Variants in MNS1 observed in about 807,000 individuals in gnomAD.
MNS1 encodes the protein meiosis specific nuclear structural 1.
A neutral mutation model predicts 72.0 loss-of-function variants in MNS1; 63 were observed. That is an observed-to-expected ratio of 0.87 (90% confidence interval 0.71 to 1.08). The LOEUF (loss-of-function observed/expected upper bound fraction) is 1.08. MNS1 is among the 50% of genes least tolerant of loss of function. The pLI is 0.00. For synonymous variants in MNS1, 188 were observed against 172.1 expected, an observed-to-expected ratio of 1.09 and a Z score of -0.72; for missense variants, 604 against 562.4, an observed-to-expected ratio of 1.07 and a Z score of -0.75.
At chr15:56,448,897 G>A (rs1350496824) in intron 3 of MNS1, among the ~76,000 whole-genome samples, 2 of 151,892 alleles carry the variant, frequency 1.3e-5, no homozygotes, top group Admixed American at 6.6e-5. Flanking sequence ...GGGACTACAG[G>A]TGTGTGCCAC....
At chr15:56,455,138 AG>A (rs2050972439) in intron 3 of MNS1, among the ~76,000 whole-genome samples, 1 of 151,444 alleles carries the variant, frequency 6.6e-6, no homozygotes, top group South Asian at 2.1e-4. Context: ...TTTTCTCAGG[AG>A]GAACATTTAT....
At chr15:56,457,672 G>C (rs190864954) in intron 2 of MNS1, among the ~76,000 whole-genome samples, 74 of 152,162 alleles carry the variant, frequency 4.9e-4, no homozygotes, top group Admixed American at 3.8e-3. Flanking sequence ...AAATTAGCCA[G>C]GTGTGGTGGC....
intron 7 of MNS1, among the ~76,000 whole-genome samples, chr15:56,438,560 A>T (rs1012928658): frequency 7.2e-5 from 11 of 152,116 alleles, no homozygotes; most frequent in African/African-American, 2.2e-4. Flanking sequence ...AACCTAGGCA[A>T]TACCATTCAG....
intron 9 of MNS1, chr15:56,429,788 A>T (rs2050519986): frequency 1.3e-5 from 2 of 152,230 alleles, no homozygotes; most frequent in African/African-American, 4.8e-5. Flanking sequence ...AATTTTAGGG[A>T]TAACTGAAGT....
At chr15:56,445,177 C>T (rs1474401586) in intron 4 of MNS1, among the ~76,000 whole-genome samples, 1 of 151,942 alleles carries the variant, frequency 6.6e-6, no homozygotes, top group Non-Finnish European at 1.5e-5. Flanking sequence ...TGGCCCTTGA[C>T]GTTTCCCCTT....
intron 1 of MNS1, 134 bp from the exon 2 acceptor site, chr15:56,464,381 G>A: frequency 6.2e-6 from 4 of 648,838 alleles, no homozygotes; most frequent in South Asian, 2.0e-5. Context: ...GGAGTATACC[G>A]AATAAAAAGT....
chr15:56,434,319 A>C lies in MNS1; in HGVS notation c.1088T>G (p.Leu363Ter). ...TTCCTCTTTTGCAGCCTGTAGCACT[A>C]ATTCCTTCAAGGCCATTTGTTCTTC... Reference protein sequence around the residue: ...DFEEQMALKELVLQAAKEEEE... With the variant: ...DFEEQMALKE The change falls in exon 8 of 10, where the codon TTA becomes TGA. Residue 363 changes from leucine to a stop codon, truncating the protein, a stop_gained. Transcript: ENST00000260453. LOFTEE classifies it high-confidence loss of function. The C allele has an allele frequency of 6.2e-7, 1 of 1,613,746 alleles. No individual in the cohort carries two copies. Among genetic ancestry groups the C allele is most frequent in the Non-Finnish European group, 8.5e-7 (1 of 1,179,852 alleles).
chr15:56,431,102 T>A (rs1273446108), intron 9 of MNS1, among the ~76,000 whole-genome samples: 6 of 152,154 alleles, frequency 3.9e-5, no homozygotes, highest in African/African-American at 1.4e-4. Context: ...TGCAGTAAGC[T>A]GACATCTTGC....
At position 56,444,552 on chromosome 15, in the gene MNS1, T is replaced by C; in HGVS notation, c.578A>G (p.Lys193Arg). The C allele has an allele frequency of 6.2e-7, 1 of 1,613,128 alleles. No individual in the cohort carries two copies. Among genetic ancestry groups the C allele is most frequent in the Non-Finnish European group, 8.5e-7 (1 of 1,179,592 alleles). ...TTTTTTTTCTTGTTCTTCAAGTTGT[T>C]TCTCTAAGTCAAGATAGTACTGTGC... is the stretch of plus-strand genomic sequence containing the variant. The part of the protein sequence containing the change: ...AKAQYYLDLE[K>R]QLEEQEKKKQ... Residue 193 changes from lysine to arginine, a missense_variant, in exon 5 of 10, where the codon AAA (lysine) becomes AGA (arginine). Transcript: ENST00000260453.
Position 56,464,340 on chromosome 15 carries a change from C to T in MNS1, c.4-93G>A, listed in dbSNP as rs553462266. On this transcript the variant is annotated intron_variant, in intron 1 of 9. Transcript: ENST00000260453. ...ATATAAACCTTAGTAAGAAAGGATA[C>T]GAAGAGCCTGGCTTCCTTCCTAAAT... 45 of 914,606 alleles carry T rather than the reference C, an allele frequency of 4.9e-5. No homozygotes were observed. The African/African-American group carries it at 7.3e-4, about 15-fold the overall frequency. 56.7% of individuals were successfully genotyped at this position (914,606 alleles called of 1,614,324 possible).
intron 6 of MNS1, 23 bp from the exon 7 acceptor site, chr15:56,443,560 T>G: frequency 6.4e-7 from 1 of 1,572,652 alleles, no homozygotes. Flanking sequence ...TTAAAAAACA[T>G]AAATATTTAT....
rs564398894 is a variant in MNS1, at chr15:56,442,542, G to A, written c.1011+888C>T. ...ATAAAATGTGGTACATGTACACCACGGAATACTACACAGCCATAAAAAAGA... is the reference window on the plus strand; with the variant it reads ...ATAAAATGTGGTACATGTACACCACAGAATACTACACAGCCATAAAAAAGA... On this transcript the variant is annotated intron_variant, in intron 7 of 9. Coordinates refer to ENST00000260453, the MANE Select transcript of MNS1 (RefSeq NM_018365.4). 1.3e-3 allele frequency among the ~76,000 whole-genome samples: 205 copies of A among 152,244 alleles called. 1 individual carries two copies. The highest frequency in any genetic ancestry group is 2.5e-3 in the Non-Finnish European group (167 of 68,022).
Position 56,464,259 on chromosome 15 carries a change from G to GA in MNS1, c.4-13dup, listed in dbSNP as rs200229404. Reference sequence around the variant, plus strand: ...CTCCTTTTGGAACCCTACGATGGAAGAAAAAAAAAGATGCATATTTTGATA... The same window carrying GA: ...CTCCTTTTGGAACCCTACGATGGAAGAAAAAAAAAAGATGCATATTTTGATA... On this transcript the variant is annotated splice_polypyrimidine_tract_variant and intron_variant, in intron 1 of 9. Coordinates refer to ENST00000260453, the MANE Select transcript of MNS1 (RefSeq NM_018365.4). 1,741 of 1,494,794 alleles carry GA rather than the reference G, an allele frequency of 1.2e-3. 1 individual carries two copies. The highest frequency in any genetic ancestry group is 2.1e-3 in the Admixed American group (97 of 45,728). The allele number at this position is 1,494,794 out of a possible 1,614,324, so 92.6% of individuals were successfully genotyped here.
At chr15:56,443,958 A>G in intron 5 of MNS1, 104 bp from the exon 6 acceptor site, 1 of 883,114 alleles carries the variant, frequency 1.1e-6, no homozygotes, top group South Asian at 2.1e-5. Context: ...TAGTTTTTTC[A>G]TTCGTGCATG....
chr15:56,460,009 A>AAAAAAAAAAAAATATATATAT, intron 2 of MNS1, among the ~76,000 whole-genome samples: 2 of 26,384 alleles, frequency 7.6e-5, no homozygotes, highest in African/African-American at 1.5e-4. Context: ...AAAAAAAAAA[A>AAAAAAAAAAAAATATATATAT]ATACATATAT....
chr15:56,453,033 G>C (rs2050958109), intron 3 of MNS1, among the ~76,000 whole-genome samples: 1 of 152,054 alleles, frequency 6.6e-6, no homozygotes, highest in African/African-American at 2.4e-5. Flanking sequence ...TTCTCTATTA[G>C]TCAGTTATAT....
intron 2 of MNS1, among the ~76,000 whole-genome samples, chr15:56,461,975 G>GTTTTTTTTTTTTTTTTTTTTT (rs56022687): frequency 2.0e-5 from 2 of 97,916 alleles, no homozygotes; most frequent in African/African-American, 7.7e-5. Context: ...TTTTGTTGTT[G>GTTTTTTTTTTTTTTTTTTTTT]TTTTTTTTTT....
chr15:56,439,219 G>A (rs1387504208), intron 7 of MNS1, among the ~76,000 whole-genome samples: 4 of 152,052 alleles, frequency 2.6e-5, no homozygotes, highest in East Asian at 3.9e-4. Context: ...AACAAAACAC[G>A]TACAGGATTT....
intron 7 of MNS1, among the ~76,000 whole-genome samples, chr15:56,436,643 C>A (rs2050730716): frequency 6.6e-6 from 1 of 152,014 alleles, no homozygotes. Context: ...ACAAAAAACC[C>A]TTCAAAAAAT....
Sources: allele counts gnomAD v4.1 joint callset (sites outside exome capture counted in the v4.1 genomes callset), GRCh38; gene constraint gnomAD v4.1.1; transcripts MANE v1.5; gene names NCBI Gene and HGNC (gene_info 2026-07-23, HGNC 2026-07-21).